Variants in KATNIP observed in about 807,000 individuals in gnomAD.
KATNIP encodes katanin-interacting protein.
A neutral mutation model predicts 174.0 loss-of-function variants in KATNIP; 126 were observed. The ratio of observed to expected loss-of-function variants is 0.72; its 90% confidence interval spans 0.63 to 0.84. The LOEUF (loss-of-function observed/expected upper bound fraction) is 0.84. Among genes scored for constraint, KATNIP ranks in the 40% least tolerant of loss-of-function variants. KATNIP has a pLI of 0.00. For missense variants in KATNIP, 1,958 were observed against 2,109.7 expected, an observed-to-expected ratio of 0.93 and a Z score of 1.41; for synonymous variants, 810 against 835.7, an observed-to-expected ratio of 0.97 and a Z score of 0.53.
At chr16:27,753,188 G>A (rs1327846061) in intron 17 of KATNIP, among the ~76,000 whole-genome samples, 4 of 152,012 alleles carry the variant, frequency 2.6e-5, no homozygotes, top group Admixed American at 6.6e-5. Flanking sequence ...CAAGCCCATT[G>A]TTGCCAGTTC....
chr16:27,744,776 G>A (rs1157959995), intron 15 of KATNIP, among the ~76,000 whole-genome samples: 2 of 151,220 alleles, frequency 1.3e-5, no homozygotes, highest in Admixed American at 6.6e-5. Context: ...CCAGCTACTC[G>A]GGAGGCTGAG....
chr16:27,715,885 A>G (rs995761396), intron 13 of KATNIP, among the ~76,000 whole-genome samples: 5 of 152,084 alleles, frequency 3.3e-5, no homozygotes, highest in African/African-American at 1.2e-4. Flanking sequence ...CAGCTTAGCA[A>G]TTTCTCAAAA....
At chr16:27,680,113 C>T (rs549723916) in intron 7 of KATNIP, among the ~76,000 whole-genome samples, 1 of 152,256 alleles carries the variant, frequency 6.6e-6, no homozygotes, top group Admixed American at 6.5e-5. Flanking sequence ...TTCTCTCCAC[C>T]CACCACACCT....
At chr16:27,706,936 C>G (rs960395407) in intron 12 of KATNIP, among the ~76,000 whole-genome samples, 1 of 152,220 alleles carries the variant, frequency 6.6e-6, no homozygotes, top group African/African-American at 2.4e-5. Flanking sequence ...GACTCAGACC[C>G]AGGGCAGCAG....
chr16:27,609,684 C>T (rs1290247758), intron 2 of KATNIP, among the ~76,000 whole-genome samples: 2 of 150,734 alleles, frequency 1.3e-5, no homozygotes, highest in Admixed American at 6.6e-5. Context: ...GCCACCGCGC[C>T]CTGCCAAGTC....
chr16:27,662,993 C>T (rs969805525), intron 6 of KATNIP, among the ~76,000 whole-genome samples: 16 of 151,940 alleles, frequency 1.1e-4, no homozygotes, highest in African/African-American at 3.9e-4. Flanking sequence ...TCCATTCATT[C>T]ATTTACTCAT....
At chr16:27,554,148 C>A (rs545760245) in intron 1 of KATNIP, among the ~76,000 whole-genome samples, 1 of 152,206 alleles carries the variant, frequency 6.6e-6, no homozygotes, top group East Asian at 1.9e-4. Context: ...TTTTACCCAC[C>A]ATTGCTTTGT....
chr16:27,629,723 A>G (rs1040913060), intron 4 of KATNIP, among the ~76,000 whole-genome samples: 1 of 152,228 alleles, frequency 6.6e-6, no homozygotes, highest in African/African-American at 2.4e-5. Flanking sequence ...CATCTTTAAA[A>G]TGGGACTCAG....
chr16:27,681,388 T>C lies in KATNIP; in HGVS notation c.809-11T>C. On this transcript the variant is annotated splice_polypyrimidine_tract_variant and intron_variant, in intron 7 of 27. Coordinates refer to ENST00000261588, the MANE Select transcript of KATNIP (RefSeq NM_015202.5). ...CTCAGCGTCTTACATGAAACAATTG[T>C]TTTCCTACAGGTCATAAAAGGGAAA... The C allele has an allele frequency of 6.2e-7, 1 of 1,614,094 alleles. No individual in the cohort carries two copies. Among genetic ancestry groups the C allele is most frequent in the Non-Finnish European group, 8.5e-7 (1 of 1,179,970 alleles).
At chr16:27,750,422 T>TC (rs2081463391) in intron 16 of KATNIP, 116 bp downstream of exon 16, 4 of 754,952 alleles carry the variant, frequency 5.3e-6, no homozygotes, top group African/African-American at 3.7e-5. Context: ...TCTCTTTCTT[T>TC]TTTTTTTTTT....
At chr16:27,690,040 T>C (rs1192817642) in intron 8 of KATNIP, among the ~76,000 whole-genome samples, 2 of 152,096 alleles carry the variant, frequency 1.3e-5, no homozygotes, top group Admixed American at 6.6e-5. Flanking sequence ...CAGTGCCTCA[T>C]GCGTGTAAGC....
intron 4 of KATNIP, among the ~76,000 whole-genome samples, chr16:27,629,575 T>A (rs1315200188): frequency 1.3e-5 from 2 of 152,304 alleles, no homozygotes; most frequent in East Asian, 3.9e-4. Context: ...AGGAAGCTTG[T>A]GTGTAATAGA....
chr16:27,751,240 C>A (rs139645687), intron 16 of KATNIP, among the ~76,000 whole-genome samples: 1 of 152,128 alleles, frequency 6.6e-6, no homozygotes, highest in African/African-American at 2.4e-5. Flanking sequence ...CCAGCCACAA[C>A]CAGATCTTGA....
rs1340745415 is a variant in KATNIP at position 27,761,486 on chromosome 16, C to G, written c.3705C>G (p.Gly1235=). The G allele has an allele frequency of 1.9e-6, 3 of 1,613,966 alleles. No individual in the cohort carries two copies. In the East Asian group the frequency reaches 6.7e-5, roughly 36 times the overall value. Reference sequence around the variant, plus strand: ...GGCTCACTGGCCTGGAAGTGGTGGGCAAGGAGGGCCAGGCGCTGCCCATCC... The same window carrying G: ...GGCTCACTGGCCTGGAAGTGGTGGGGAAGGAGGGCCAGGCGCTGCCCATCC... ...YLGLTGLEVV[G]KEGQALPIHL... Residue 1235 remains glycine (G), a synonymous_variant, in exon 19 of 28, where the codon GGC becomes GGG. Coordinates refer to ENST00000261588, the MANE Select transcript of KATNIP (RefSeq NM_015202.5).
At chr16:27,558,173 T>C (rs560772111) in intron 1 of KATNIP, among the ~76,000 whole-genome samples, 120 of 152,174 alleles carry the variant, frequency 7.9e-4, no homozygotes, top group African/African-American at 2.8e-3. Context: ...TTAGATAGAG[T>C]CTTGTTCTCT....
At position 27,749,793 on chromosome 16, in the gene KATNIP, G is replaced by T. The variant is rs752689307; in HGVS notation, c.2833G>T (p.Glu945Ter). 3 of 1,610,596 alleles carry T rather than the reference G, an allele frequency of 1.9e-6. No individual in the cohort carries two copies. The highest frequency in any genetic ancestry group is 2.5e-6 in the Non-Finnish European group (3 of 1,177,876). Residue 945 changes from glutamate (E) to a stop codon, truncating the protein, a stop_gained, in exon 16 of 28, where the codon GAG becomes TAG. Transcript: ENST00000261588. LOFTEE classifies it high-confidence loss of function. Reference sequence around the variant, plus strand: ...CGACTTGCCCCCCTCCAAGAAGGGGGAGCAGCCAGGGCTGTCGAGAGGGCA... The same window carrying T: ...CGACTTGCCCCCCTCCAAGAAGGGGTAGCAGCCAGGGCTGTCGAGAGGGCA... ...HSDLPPSKKGEQPGLSRGQDG... is the reference protein window; with the variant it reads ...HSDLPPSKKG
At chr16:27,571,690 A>G in intron 1 of KATNIP, among the ~76,000 whole-genome samples, 1 of 152,186 alleles carries the variant, frequency 6.6e-6, no homozygotes, top group East Asian at 1.9e-4. Flanking sequence ...TGGCCTCTGC[A>G]CTACTCCTGC....
intron 6 of KATNIP, among the ~76,000 whole-genome samples, chr16:27,651,819 A>C (rs997400104): frequency 2.6e-5 from 4 of 152,206 alleles, no homozygotes; most frequent in African/African-American, 9.7e-5. Flanking sequence ...TCCAGGGTTC[A>C]AGCGATTCTC....
intron 2 of KATNIP, among the ~76,000 whole-genome samples, chr16:27,617,976 A>C (rs868006836): frequency 2.2e-4 from 34 of 152,264 alleles, no homozygotes; most frequent in Non-Finnish European, 4.3e-4. Flanking sequence ...GGGCTCAAGC[A>C]ATCCTCTCGC....
Sources: gnomAD v4.1 joint callset for allele counts (sites outside exome capture counted in the v4.1 genomes callset) on GRCh38, gnomAD v4.1.1 for gene constraint, MANE v1.5 for transcripts, NCBI Gene and HGNC (gene_info 2026-07-23, HGNC 2026-07-21) for gene names.